CSMD2: variants seen among roughly 807,000 people sequenced by gnomAD.
CSMD2 encodes the protein CUB and sushi domain-containing protein 2.
In CSMD2, 130 loss-of-function variants were observed where a neutral mutation model predicts 398.5. The observed-to-expected ratio is 0.33, with a 90% CI of 0.28 to 0.38. The LOEUF (loss-of-function observed/expected upper bound fraction) is 0.38. Ranked by LOEUF, CSMD2 falls within the 10% of genes least tolerant of loss-of-function variation. The pLI is 1.00. For missense variants in CSMD2, 3,829 were observed against 4,764.9 expected (o/e 0.80, Z 5.78); for synonymous variants, 1,828 against 1,908.5 (o/e 0.96, Z 1.10).
chr1:33,818,464 C>A (rs571324194), intron 9 of CSMD2, among the ~76,000 whole-genome samples: 33 of 152,296 alleles, frequency 2.2e-4, no homozygotes, highest in Admixed American at 7.8e-4. Flanking sequence ...CAACTCCATT[C>A]AATCTCCACA....
Position 33,537,095 on chromosome 1 carries a change from T to C in CSMD2, c.9806A>G (p.Asp3269Gly), listed in dbSNP as rs752600622. 18 of 1,613,994 alleles carry C rather than the reference T, an allele frequency of 1.1e-5. No homozygotes were observed. The highest frequency in any genetic ancestry group is 1.5e-5 in the Non-Finnish European group (18 of 1,180,012). The change falls in exon 62 of 71, where the codon GAT becomes GGT. Residue 3269 changes from aspartate to glycine, a missense_variant and splice_region_variant. This residue lies in a region of CSMD2 where 917 missense variants were observed against 1,199.5 expected (regional missense o/e 0.76). Transcript: ENST00000373381. This position sits in a 1 kb window ranked among gnomAD's most constrained non-coding sequence, Gnocchi z 4.6. The part of the protein sequence containing the change: ...TWSGTQPSCI[D>G]PTLTTCADPG... ...GTCCGCACACGTGGTCAGGGTCGGATCTGGATGGCCAAAACAAAGACACAG... is the reference window on the plus strand; with the variant it reads ...GTCCGCACACGTGGTCAGGGTCGGACCTGGATGGCCAAAACAAAGACACAG...
At chr1:34,107,887 T>G (rs79888709) in intron 1 of CSMD2, among the ~76,000 whole-genome samples, 1 of 152,112 alleles carries the variant, frequency 6.6e-6, no homozygotes, top group African/African-American at 2.4e-5. Context: ...AGAAAAAGAA[T>G]CATAATAACT....
intron 3 of CSMD2, among the ~76,000 whole-genome samples, chr1:33,941,037 C>T (rs923652826): frequency 5.3e-5 from 8 of 152,010 alleles, no homozygotes; most frequent in African/African-American, 1.2e-4. Flanking sequence ...ATACTATAAC[C>T]GTTCATGCTC....
Position 33,519,650 on chromosome 1 carries a change from G to A in CSMD2, c.10764C>T (p.Gly3588=). The change falls in exon 70 of 71, where the codon GGC becomes GGT. Residue 3588 remains glycine (G), a synonymous_variant. Coordinates refer to ENST00000373381, the MANE Select transcript of CSMD2 (RefSeq NM_001281956.2). The surrounding 1 kb of genome is among the most constrained non-coding windows in gnomAD (Gnocchi z 5.6). ...CATTGGTGTTCTCGTGGCCAGCATA[G>A]CCATTGAAAGGAACTTTGGGTCTTC... ...HRRRPKVPFN[G]YAGHENTNVR... is the part of the protein sequence containing the mutation. The A allele has an allele frequency of 6.2e-7, 1 of 1,614,128 alleles. No individual in the cohort carries two copies. The highest frequency in any genetic ancestry group is 8.5e-7 in the Non-Finnish European group (1 of 1,180,032).
intron 2 of CSMD2, among the ~76,000 whole-genome samples, chr1:34,087,973 GCCCCA>G (rs1658101230): frequency 6.6e-6 from 1 of 152,012 alleles, no homozygotes; most frequent in African/African-American, 2.4e-5. Flanking sequence ...GGTGCAGGGG[GCCCCA>G]GATGCCCCCC....
Position 33,908,903 on chromosome 1 carries a change from G to A in CSMD2, c.920+9191C>T, listed in dbSNP as rs1185793832. ...GGTTATTTATGGCTTGGCTCCTGAT[G>A]GATACAGCAGATGCAATTTCATGGG... is the stretch of plus-strand genomic sequence containing the variant. On this transcript the variant is annotated intron_variant, in intron 5 of 70. Coordinates refer to ENST00000373381, the MANE Select transcript of CSMD2 (RefSeq NM_001281956.2). 2.0e-5 allele frequency among the ~76,000 whole-genome samples: 3 copies of A among 152,204 alleles called. No individual in the cohort carries two copies. The South Asian group carries it at 6.2e-4, about 32-fold the overall frequency.
intron 49 of CSMD2, among the ~76,000 whole-genome samples, chr1:33,574,335 T>A (rs920949361): frequency 6.6e-6 from 1 of 152,184 alleles, no homozygotes; most frequent in African/African-American, 2.4e-5. Context: ...AGGGTCGACA[T>A]TATGTTTATA....
intron 19 of CSMD2, among the ~76,000 whole-genome samples, chr1:33,719,085 G>GA (rs973643036): frequency 3.0e-4 from 45 of 151,984 alleles, no homozygotes; most frequent in Middle Eastern, 3.4e-3. Context: ...AGGAAGAATG[G>GA]GAACTATGCC....
chr1:33,633,444 G>A lies in CSMD2; in HGVS notation c.5178C>T (p.Ser1726=), dbSNP rs753936518. ...DGHSQHSRLL[S]SLSGSHTGES... is the part of the protein sequence containing the mutation. Reference sequence around the variant, plus strand: ...TACCTGTATGGGAGCCCGAGAGGGAGCTGAGGAGCCGCGAGTGCTGGCTGT... The same window carrying A: ...TACCTGTATGGGAGCCCGAGAGGGAACTGAGGAGCCGCGAGTGCTGGCTGT... The change falls in exon 32 of 71, where the codon AGC becomes AGT. Residue 1726 remains serine (S), a synonymous_variant. Transcript: ENST00000373381. The surrounding 1 kb of genome is among the most constrained non-coding windows in gnomAD (Gnocchi z 5.0). The A allele has an allele frequency of 4.5e-6, 7 of 1,553,164 alleles. No individual in the cohort carries two copies. Among genetic ancestry groups the A allele is most frequent in the African/African-American group, 1.4e-5 (1 of 73,194 alleles).
intron 13 of CSMD2, among the ~76,000 whole-genome samples, chr1:33,768,537 T>TGC (rs1650840655): frequency 3.4e-4 from 2 of 5,852 alleles, no homozygotes; most frequent in South Asian, 7.7e-3. Flanking sequence ...TGTGCGTGCA[T>TGC]GTGTGTGTGT....
intron 3 of CSMD2, among the ~76,000 whole-genome samples, chr1:34,020,263 T>C (rs536102225): frequency 1.3e-5 from 2 of 152,258 alleles, no homozygotes; most frequent in Admixed American, 1.3e-4. Context: ...CTCAAATGTG[T>C]TTCACCTGCC....
intron 64 of CSMD2, 115 bp downstream of exon 64, chr1:33,532,935 G>A: frequency 1.0e-6 from 1 of 1,002,458 alleles, no homozygotes; most frequent in Non-Finnish European, 1.4e-6. Flanking sequence ...TCAGAAGCGG[G>A]ATCCAGCTCC....
chr1:33,924,466 T>C (rs1644055304), intron 4 of CSMD2, among the ~76,000 whole-genome samples: 1 of 152,272 alleles, frequency 6.6e-6, no homozygotes, highest in Admixed American at 6.5e-5. Context: ...GTTGATTCCA[T>C]ATCTTTGCTG....
rs568974251 is a variant in CSMD2 at position 34,126,257 on chromosome 1, G to A, written c.188-37064C>T. On this transcript the variant is annotated intron_variant, in intron 1 of 70. Coordinates refer to ENST00000373381, the MANE Select transcript of CSMD2 (RefSeq NM_001281956.2). ...GGGGAGCTCAACCTAAGGCACTTCC[G>A]GCAGCTCCCAATCCATTCCCTAGAA... 3.9e-5 allele frequency among the ~76,000 whole-genome samples: 6 copies of A among 152,156 alleles called. No homozygotes were observed. In the East Asian group the frequency reaches 5.8e-4, roughly 15 times the overall value.
chr1:33,744,096 G>A (rs1647183928), intron 13 of CSMD2, among the ~76,000 whole-genome samples: 1 of 152,170 alleles, frequency 6.6e-6, no homozygotes, highest in African/African-American at 2.4e-5. Context: ...GTCTGGATGT[G>A]AAACACTGCG....
chr1:33,725,704 C>T (rs1290861720), intron 16 of CSMD2, among the ~76,000 whole-genome samples, 168 bp from the exon 17 acceptor site: 2 of 152,090 alleles, frequency 1.3e-5, no homozygotes, highest in Non-Finnish European at 2.9e-5. Context: ...GGACCTTCTC[C>T]ACTCTATTTA....
intron 37 of CSMD2, among the ~76,000 whole-genome samples, chr1:33,619,886 C>T (rs1435154827): frequency 6.6e-6 from 1 of 152,148 alleles, no homozygotes; most frequent in Admixed American, 6.5e-5. Flanking sequence ...TCTCCCCATT[C>T]CTCTCCACAC....
intron 2 of CSMD2, among the ~76,000 whole-genome samples, chr1:34,052,462 G>GA (rs959363145): frequency 6.7e-6 from 1 of 150,030 alleles, no homozygotes; most frequent in African/African-American, 2.5e-5. Flanking sequence ...ATCCATGGGG[G>GA]GGGGGTCGAG....
chr1:33,699,387 G>C (rs1645531322), intron 23 of CSMD2, among the ~76,000 whole-genome samples: 2 of 152,184 alleles, frequency 1.3e-5, no homozygotes, highest in Non-Finnish European at 2.9e-5. Flanking sequence ...TTTATGCAGA[G>C]CTCCCACTCT....
Sources: gnomAD v4.1 joint callset for allele counts (sites outside exome capture counted in the v4.1 genomes callset) on GRCh38, gnomAD v4.1.1 for gene constraint, gnomAD v4.1.1 regional missense constraint, Gnocchi (gnomAD v3.1) non-coding constraint, MANE v1.5 for transcripts, NCBI Gene and HGNC (gene_info 2026-07-23, HGNC 2026-07-21) for gene names.